Variants in SKOR1 observed in about 807,000 individuals in gnomAD.
SKOR1 encodes LBX1 corepressor 1.
A neutral mutation model predicts 72.4 loss-of-function variants in SKOR1; 38 were observed. The observed-to-expected ratio is 0.52, with a 90% CI of 0.40 to 0.69. The LOEUF (loss-of-function observed/expected upper bound fraction) is 0.69, where lower values mean the gene tolerates loss of function less well. SKOR1 is among the 30% of genes least tolerant of loss of function. The pLI, the probability that SKOR1 is intolerant of heterozygous loss-of-function variation, is 0.00. For synonymous variants in SKOR1, 642 were observed against 599.4 expected (o/e 1.07, Z -1.04); for missense variants, 1,320 against 1,343.2 (o/e 0.98, Z 0.27).
At chr15:67,831,528 G>C (rs1214370055) in intron 5 of SKOR1, among the ~76,000 whole-genome samples, 6 of 152,078 alleles carry the variant, frequency 3.9e-5, no homozygotes, top group Non-Finnish European at 4.4e-5. Flanking sequence ...TCTCCTGGAG[G>C]AGGGCCCAGA....
At position 67,827,730 on chromosome 15, in the gene SKOR1, G is replaced by A. The variant is rs1231640951; in HGVS notation, c.1902G>A (p.Val634=). 6.5e-7 allele frequency: 1 copy of A among 1,545,842 alleles called. No homozygotes were observed. Among genetic ancestry groups the A allele is most frequent in the Admixed American group, 2.0e-5 (1 of 50,854 alleles). The change falls in exon 2 of 9, where the codon GTG becomes GTA. Residue 634 remains valine, a synonymous_variant. Transcript: ENST00000380035. ...CCGGCGCTGGGAGCGGCGGCTACGT[G>A]AGCCCGGACTTTCTGAGCGAGGGCA... ...PGPGAGSGGY[V]SPDFLSEGSS... is the part of the protein sequence containing the mutation.
In SKOR1 at chr15:67,827,637, G is replaced by T; in HGVS notation, c.1809G>T (p.Glu603Asp). 2 of 1,531,566 alleles carry T rather than the reference G, an allele frequency of 1.3e-6. No homozygotes were observed. 94.9% of individuals were successfully genotyped at this position (1,531,566 alleles called of 1,614,324 possible). The change falls in exon 2 of 9, where the codon GAG (glutamate) becomes GAT (aspartate). Residue 603 changes from glutamate (E) to aspartate (D), a missense_variant. Around this residue, in one of 3 missense-constraint regions of SKOR1, gnomAD observed 1,099 missense variants for 1,025.5 expected, o/e 1.07. Transcript: ENST00000380035. ...TCCGGCCGGTGGTCAAGGACACCGA[G>T]AGCATCGCTAAGCTCTACGGGAGCG... Reference protein sequence around the residue: ...SAFRPVVKDTESIAKLYGSAR... With the variant: ...SAFRPVVKDTDSIAKLYGSAR...
chr15:67,829,992 C>G (rs1031184035), intron 3 of SKOR1, among the ~76,000 whole-genome samples, 199 bp from the exon 4 acceptor site: 3 of 152,150 alleles, frequency 2.0e-5, no homozygotes, highest in Non-Finnish European at 2.9e-5. Context: ...GCCTGAAGCC[C>G]GGAGATGAGC....
Position 67,827,156 on chromosome 15 carries a change from C to A in SKOR1, c.1328C>A (p.Ala443Asp). ...GTGGGAGGPG[A>D]SHLPPGAGAG... ...GGCGGGGGTGCGGGGGGCCCGGGAG[C>A]CAGCCACTTGCCCCCGGGGGCAGGG... The change falls in exon 2 of 9, where the codon GCC becomes GAC. Residue 443 changes from alanine to aspartate, a missense_variant. Coordinates refer to ENST00000380035, the MANE Select transcript of SKOR1 (RefSeq NM_001365915.1). 2 of 1,354,198 alleles carry A rather than the reference C, an allele frequency of 1.5e-6. No homozygotes were observed. Among genetic ancestry groups the A allele is most frequent in the South Asian group, 4.0e-5 (2 of 50,548 alleles). 83.9% of individuals were successfully genotyped at this position (1,354,198 alleles called of 1,614,324 possible). A position where few individuals can be genotyped will look rare whatever the true frequency, so the allele number is the denominator to read the frequency against.
In SKOR1 at chr15:67,827,396, CGGCAGCGGCAGCTGCT is replaced by C. The variant is rs1404969308; in HGVS notation, c.1577_1592del (p.Ala526ValfsTer104). 3.3e-6 allele frequency: 5 copies of C among 1,534,664 alleles called. No homozygotes were observed. The highest frequency in any genetic ancestry group is 4.4e-6 in the Non-Finnish European group (5 of 1,148,686). On this transcript the variant is annotated frameshift_variant, in exon 2 of 9. Coordinates refer to ENST00000380035, the MANE Select transcript of SKOR1 (RefSeq NM_001365915.1). LOFTEE classifies it high-confidence loss of function. The stretch of plus-strand genomic sequence containing the variant: ...GCAGCCGTGGCGGCGGCAGCGGCGG[CGGCAGCGGCAGCTGCT>C]GGCAGCGGTGCCCCAGAGCCCCTGG...
chr15:67,826,230 G>A lies in SKOR1; in HGVS notation c.402G>A (p.Gln134=), dbSNP rs375607879. 3.7e-6 allele frequency: 6 copies of A among 1,613,044 alleles called. No homozygotes were observed. In the African/African-American group the frequency reaches 6.7e-5, roughly 18 times the overall value. ...CGTGCGTGCAGTGCACGCCGGTACA[G>A]CTGGAGATTCTGCGTCGGGCCGGGG... is the stretch of plus-strand genomic sequence containing the variant. ...GITCVQCTPV[Q]LEILRRAGAM... is the part of the protein sequence containing the mutation. The change falls in exon 2 of 9, where the codon CAG becomes CAA. Residue 134 remains glutamine, a synonymous_variant. Coordinates refer to ENST00000380035, the MANE Select transcript of SKOR1 (RefSeq NM_001365915.1).
chr15:67,834,222 C>G lies in SKOR1; in HGVS notation c.*386C>G, dbSNP rs1942541109. The stretch of plus-strand genomic sequence containing the variant: ...ACTTCGCTGGCGCCTGCCCCGCACT[C>G]CCCGTCCCGTCCACTTCTGAAACTC... On this transcript the variant is annotated 3_prime_UTR_variant, in exon 9 of 9. Coordinates refer to ENST00000380035, the MANE Select transcript of SKOR1 (RefSeq NM_001365915.1). The surrounding 1 kb of genome is among the most constrained non-coding windows in gnomAD (Gnocchi z 5.8). The G allele has an allele frequency of 3.2e-6, 1 of 308,910 alleles. No individual in the cohort carries two copies. Among genetic ancestry groups the G allele is most frequent in the African/African-American group, 2.1e-5 (1 of 47,060 alleles). The allele number at this position is 308,910 out of a possible 1,614,324, so 19.1% of individuals were successfully genotyped here.
rs1404688638 is a variant in SKOR1 at position 67,826,788 on chromosome 15, G to A, written c.960G>A (p.Pro320=). 6.5e-7 allele frequency: 1 copy of A among 1,531,522 alleles called. No individual in the cohort carries two copies. The highest frequency in any genetic ancestry group is 8.7e-7 in the Non-Finnish European group (1 of 1,143,074). 94.9% of individuals were successfully genotyped at this position (1,531,522 alleles called of 1,614,324 possible). A position where few individuals can be genotyped will look rare whatever the true frequency, so the allele number is the denominator to read the frequency against. ...GCGGTGCAGAGATGGCCCCAGGCCC[G>A]CCGCCCCACAAAAGCCTGCGCTGTG... is the stretch of plus-strand genomic sequence containing the variant. ...PGCGAEMAPG[P]PPHKSLRCGE... The change falls in exon 2 of 9, where the codon CCG becomes CCA. Residue 320 remains proline, a synonymous_variant. Transcript: ENST00000380035.
chr15:67,829,886 G>T (rs2090995282), intron 3 of SKOR1, among the ~76,000 whole-genome samples: 1 of 152,302 alleles, frequency 6.6e-6, no homozygotes, highest in African/African-American at 2.4e-5. Flanking sequence ...GGCCACGCGC[G>T]CTCGCGGTGC....
chr15:67,827,774 C>T lies in SKOR1; in HGVS notation c.1946C>T (p.Ala649Val). ...LSEGSSSYNS[A>V]SPDVDTADEP... ...GAGGGCAGCTCCAGCTACAATTCCG[C>T]CTCGCCCGACGTGGACACCGCGGAC... Residue 649 changes from alanine (A) to valine (V), a missense_variant, in exon 2 of 9, where the codon GCC becomes GTC. By Grantham distance (64) the Ala-to-Val change is moderately conservative. Transcript: ENST00000380035. 6.4e-7 allele frequency: 1 copy of T among 1,559,164 alleles called. No homozygotes were observed. Among genetic ancestry groups the T allele is most frequent in the East Asian group, 2.4e-5 (1 of 42,028 alleles).
Position 67,826,557 on chromosome 15 carries a change from C to T in SKOR1, c.729C>T (p.Asn243=). Residue 243 remains asparagine (N), a synonymous_variant, in exon 2 of 9, where the codon AAC becomes AAT. Coordinates refer to ENST00000380035, the MANE Select transcript of SKOR1 (RefSeq NM_001365915.1). ...KYTQPDAANF[N]SWRRHLKLSD... is the part of the protein sequence containing the mutation. ...CGCAGCCCGATGCCGCCAACTTCAA[C>T]TCCTGGCGTCGTCACCTCAAACTCA... 1.9e-6 allele frequency: 3 copies of T among 1,614,090 alleles called. No individual in the cohort carries two copies. The highest frequency in any genetic ancestry group is 1.6e-4 in the Middle Eastern group (1 of 6,062).
chr15:67,826,859 C>A lies in SKOR1; in HGVS notation c.1031C>A (p.Pro344Gln). Reference protein sequence around the residue: ...AGPPGPPPPHPQRGLGLATGA... With the variant: ...AGPPGPPPPHQQRGLGLATGA... ...CCTCCGGGGCCACCTCCACCCCACC[C>A]GCAGCGCGGACTTGGCCTGGCGACT... Residue 344 changes from proline (P) to glutamine (Q), a missense_variant, in exon 2 of 9, where the codon CCG becomes CAG. Physicochemically the swap from Pro to Gln is moderately conservative, Grantham distance 76 (BLOSUM62 -1). This residue lies in a region of SKOR1 where 1,099 missense variants were observed against 1,025.5 expected (regional missense o/e 1.07). Coordinates refer to ENST00000380035, the MANE Select transcript of SKOR1 (RefSeq NM_001365915.1). The A allele has an allele frequency of 1.3e-6, 2 of 1,529,926 alleles. No homozygotes were observed. Among genetic ancestry groups the A allele is most frequent in the South Asian group, 1.2e-5 (1 of 83,766 alleles). 94.8% of individuals were successfully genotyped at this position (1,529,926 alleles called of 1,614,324 possible). A position where few individuals can be genotyped will look rare whatever the true frequency, so the allele number is the denominator to read the frequency against.
Position 67,827,812 on chromosome 15 carries a change from G to A in SKOR1, c.1984G>A (p.Asp662Asn). The A allele has an allele frequency of 6.3e-7, 1 of 1,583,730 alleles. No homozygotes were observed. The highest frequency in any genetic ancestry group is 8.6e-7 in the Non-Finnish European group (1 of 1,165,428). The part of the protein sequence containing the change: ...DVDTADEPEV[D>N]VESNRFPDDE... Reference sequence around the variant, plus strand: ...GGACACCGCGGACGAGCCCGAGGTGGACGTGGAATCCAACCGCTTCCCCGA... The same window carrying A: ...GGACACCGCGGACGAGCCCGAGGTGAACGTGGAATCCAACCGCTTCCCCGA... Residue 662 changes from aspartate to asparagine, a missense_variant, in exon 2 of 9, where the codon GAC (aspartate) becomes AAC (asparagine). Coordinates refer to ENST00000380035, the MANE Select transcript of SKOR1 (RefSeq NM_001365915.1).
Position 67,825,835 on chromosome 15 carries a change from TC to T in SKOR1, c.108-96del. On this transcript the variant is annotated intron_variant, in intron 1 of 8. Transcript: ENST00000380035. This position sits in a 1 kb window ranked among gnomAD's most constrained non-coding sequence, Gnocchi z 5.6. ...AGTTTGGACTCCCCACTGCCAAGTA[TC>T]CCCCGCGCGCCCAACTCGGAGCGCC... The T allele has an allele frequency of 6.6e-7, 1 of 1,516,212 alleles. No individual in the cohort carries two copies. 93.9% of individuals were successfully genotyped at this position (1,516,212 alleles called of 1,614,324 possible). A position where few individuals can be genotyped will look rare whatever the true frequency, so the allele number is the denominator to read the frequency against.
Position 67,832,553 on chromosome 15 carries a change from G to T in SKOR1, c.2663-54G>T. ...AAGGGGGGGCCAGGAGTGAGAAAGTGGAGCCGGGAGAGGGGGCTGTGCGTA... is the reference window on the plus strand; with the variant it reads ...AAGGGGGGGCCAGGAGTGAGAAAGTTGAGCCGGGAGAGGGGGCTGTGCGTA... On this transcript the variant is annotated intron_variant, in intron 6 of 8. Transcript: ENST00000380035. This position sits in a 1 kb window ranked among gnomAD's most constrained non-coding sequence, Gnocchi z 4.5. 6.5e-7 allele frequency: 1 copy of T among 1,535,014 alleles called. No homozygotes were observed. The highest frequency in any genetic ancestry group is 9.0e-7 in the Non-Finnish European group (1 of 1,111,476).
rs2091005347 is a variant in SKOR1, at chr15:67,831,135, G to C, written c.2587+246G>C. On this transcript the variant is annotated intron_variant, in intron 5 of 8. Transcript: ENST00000380035. Reference sequence around the variant, plus strand: ...ACCCCCAGAAGTTTATTGGAAGTTTGGGTTCCCAAGGCCCGGGTCTGTCTG... The same window carrying C: ...ACCCCCAGAAGTTTATTGGAAGTTTCGGTTCCCAAGGCCCGGGTCTGTCTG... Among the ~76,000 whole-genome samples the C allele has an allele frequency of 1.3e-5, 2 of 152,168 alleles. 1 individual carries two copies. Among genetic ancestry groups the C allele is most frequent in the African/African-American group, 4.8e-5 (2 of 41,434 alleles).
In SKOR1 at chr15:67,831,203, T is replaced by A. The variant is rs188474484; in HGVS notation, c.2587+314T>A. 4.6e-5 allele frequency among the ~76,000 whole-genome samples: 7 copies of A among 152,314 alleles called. No homozygotes were observed. The East Asian group carries it at 1.4e-3, about 29-fold the overall frequency. On this transcript the variant is annotated intron_variant, in intron 5 of 8. Transcript: ENST00000380035. ...GAGAAATGAGTAACAATGATCAGAA[T>A]TTTTGATGCCTGTGGACAATCAGAC...
In SKOR1 at chr15:67,832,709, C is replaced by CA. The variant is rs768143094; in HGVS notation, c.2737+29dup. 3 of 1,598,204 alleles carry CA rather than the reference C, an allele frequency of 1.9e-6. No individual in the cohort carries two copies. The highest frequency in any genetic ancestry group is 2.6e-6 in the Non-Finnish European group (3 of 1,165,994). On this transcript the variant is annotated intron_variant, in intron 7 of 8. Transcript: ENST00000380035. The surrounding 1 kb of genome is among the most constrained non-coding windows in gnomAD (Gnocchi z 4.5). ...AAGACGGGAGTCAGGTGAGCTCGTG[C>CA]ACGGGCCGTAACTGCCTCTCGTCTG...
intron 4 of SKOR1, 23 bp downstream of exon 4, chr15:67,830,321 C>T (rs777715494): frequency 1.2e-6 from 2 of 1,605,872 alleles, no homozygotes. Flanking sequence ...TTGAACCCAT[C>T]GCTCTCCACC....
Sources: gnomAD v4.1 joint callset for allele counts (sites outside exome capture counted in the v4.1 genomes callset) on GRCh38, gnomAD v4.1.1 for gene constraint, gnomAD v4.1.1 regional missense constraint, Gnocchi (gnomAD v3.1) non-coding constraint, MANE v1.5 for transcripts, NCBI Gene and HGNC (gene_info 2026-07-23, HGNC 2026-07-21) for gene names.